Variants in ADAMTS20 observed in about 807,000 individuals in gnomAD.
ADAMTS20 encodes the protein ADAM metallopeptidase with thrombospondin type 1 motif 20.
A neutral mutation model predicts 260.1 loss-of-function variants in ADAMTS20; 225 were observed. The observed-to-expected ratio is 0.87, with a 90% CI of 0.78 to 0.97. The LOEUF (loss-of-function observed/expected upper bound fraction) is 0.97, where lower values mean the gene tolerates loss of function less well. ADAMTS20 is among the 50% of genes least tolerant of loss of function. The probability of loss-of-function intolerance (pLI) is 0.00; values close to 1 mark genes in which losing one functional copy is unlikely to be tolerated. For missense variants in ADAMTS20, 2,400 were observed against 2,337.7 expected (o/e 1.03, Z -0.55); for synonymous variants, 802 against 769.5 (o/e 1.04, Z -0.70).
intron 29 of ADAMTS20, among the ~76,000 whole-genome samples, chr12:43,391,047 T>A (rs1250125287): frequency 3.3e-5 from 5 of 152,218 alleles, no homozygotes; most frequent in Non-Finnish European, 7.4e-5. Context: ...CAGAAATTTA[T>A]TTCTCACAGT....
rs939217412 is a variant in ADAMTS20, at chr12:43,535,093, A to G, written c.454-2898T>C. ...CTACATACCCATCCCTACTCCTAAA[A>G]ACACATTACATCTGCTTGATTTCTT... On this transcript the variant is annotated intron_variant, in intron 2 of 38. Coordinates refer to ENST00000389420, the MANE Select transcript of ADAMTS20 (RefSeq NM_025003.5). 6.6e-5 allele frequency among the ~76,000 whole-genome samples: 10 copies of G among 152,036 alleles called. No individual in the cohort carries two copies. The South Asian group carries it at 2.1e-3, about 32-fold the overall frequency.
chr12:43,503,414 CAT>C (rs1942796135), intron 3 of ADAMTS20, among the ~76,000 whole-genome samples: 1 of 152,092 alleles, frequency 6.6e-6, no homozygotes, highest in Admixed American at 6.5e-5. Flanking sequence ...AATATAAAAA[CAT>C]ATTTCATTAT....
chr12:43,377,447 G>C lies in ADAMTS20; in HGVS notation c.4913C>G (p.Pro1638Arg), dbSNP rs1940253995. ...GTAAACCTGAGAGGAAGGCACCACA[G>C]GGCATTCTTGATAAACTATAGGCCG... ...RLRPIVYQEC[P>R]VVPSSQVYQC... Residue 1638 changes from proline (P) to arginine (R), a missense_variant, in exon 32 of 39, where the codon CCT becomes CGT. Coordinates refer to ENST00000389420, the MANE Select transcript of ADAMTS20 (RefSeq NM_025003.5). 1 of 1,613,590 alleles carries C rather than the reference G, an allele frequency of 6.2e-7. No homozygotes were observed. Among genetic ancestry groups the C allele is most frequent in the Non-Finnish European group, 8.5e-7 (1 of 1,179,704 alleles).
intron 7 of ADAMTS20, among the ~76,000 whole-genome samples, chr12:43,480,758 C>T (rs912325691): frequency 1.3e-4 from 20 of 152,132 alleles, no homozygotes; most frequent in African/African-American, 4.8e-4. Flanking sequence ...AAAAGTCGAA[C>T]TCTGATAAGT....
At chr12:43,463,035 AG>A (rs1238298312) in intron 10 of ADAMTS20, 36 bp from the exon 11 acceptor site, 2 of 1,413,106 alleles carry the variant, frequency 1.4e-6, no homozygotes, top group Non-Finnish European at 2.0e-6. Flanking sequence ...GCCAGTGTAA[AG>A]ATAACACCAC....
intron 28 of ADAMTS20, among the ~76,000 whole-genome samples, chr12:43,422,048 C>G (rs964685352): frequency 1.3e-5 from 2 of 151,906 alleles, no homozygotes; most frequent in African/African-American, 2.4e-5. Context: ...CCACAATACC[C>G]ACTAATAAAC....
At chr12:43,379,298 T>C (rs1428025658) in intron 31 of ADAMTS20, among the ~76,000 whole-genome samples, 1 of 152,122 alleles carries the variant, frequency 6.6e-6, no homozygotes, top group East Asian at 1.9e-4. Flanking sequence ...AACAACAGGC[T>C]AGCTAAAAAG....
At chr12:43,499,557 C>T (rs1384840682) in intron 4 of ADAMTS20, among the ~76,000 whole-genome samples, 1 of 149,108 alleles carries the variant, frequency 6.7e-6, no homozygotes, top group African/African-American at 2.5e-5. Flanking sequence ...GGCACGATCT[C>T]GGCTGGGAAC....
intron 21 of ADAMTS20, 139 bp from the exon 22 acceptor site, chr12:43,431,635 G>GAT: frequency 1.0e-6 from 1 of 966,720 alleles, no homozygotes; most frequent in African/African-American, 1.6e-5. Flanking sequence ...CTCCACCAGA[G>GAT]ATATTCACTG....
intron 7 of ADAMTS20, among the ~76,000 whole-genome samples, chr12:43,485,178 C>G (rs1484468119): frequency 6.6e-6 from 1 of 150,818 alleles, no homozygotes; most frequent in African/African-American, 2.4e-5. Context: ...GAAAAATCCT[C>G]AACAAAATAC....
Position 43,428,813 on chromosome 12 carries a change from C to T in ADAMTS20, c.3490-14G>A. The T allele has an allele frequency of 6.3e-7, 1 of 1,589,114 alleles. No homozygotes were observed. The highest frequency in any genetic ancestry group is 8.6e-7 in the Non-Finnish European group (1 of 1,165,378). On this transcript the variant is annotated splice_polypyrimidine_tract_variant and intron_variant, in intron 24 of 38. Coordinates refer to ENST00000389420, the MANE Select transcript of ADAMTS20 (RefSeq NM_025003.5). Reference sequence around the variant, plus strand: ...AGATACGGAGCACTTTTTAAGAAATCAAATTGTATCCGGGCATTATACAGT... The same window carrying T: ...AGATACGGAGCACTTTTTAAGAAATTAAATTGTATCCGGGCATTATACAGT...
chr12:43,471,217 G>C (rs903678524), intron 7 of ADAMTS20, among the ~76,000 whole-genome samples: 1 of 152,124 alleles, frequency 6.6e-6, no homozygotes, highest in African/African-American at 2.4e-5. Flanking sequence ...GTCAAAGAAA[G>C]GGGTGACGGA....
chr12:43,496,370 T>A (rs1349233813), intron 4 of ADAMTS20, among the ~76,000 whole-genome samples: 1 of 152,230 alleles, frequency 6.6e-6, no homozygotes, highest in Non-Finnish European at 1.5e-5. Flanking sequence ...ATTTTCATTC[T>A]GTACAGTCTG....
intron 11 of ADAMTS20, among the ~76,000 whole-genome samples, chr12:43,457,499 T>G (rs868550335): frequency 6.6e-6 from 1 of 152,194 alleles, no homozygotes; most frequent in African/African-American, 2.4e-5. Context: ...TGCTTACTTA[T>G]GACTATTTAC....
chr12:43,380,703 A>G (rs1331175841), intron 31 of ADAMTS20, among the ~76,000 whole-genome samples: 1 of 152,188 alleles, frequency 6.6e-6, no homozygotes, highest in Non-Finnish European at 1.5e-5. Flanking sequence ...AAGAAGTGCA[A>G]GATTTGCACA....
intron 2 of ADAMTS20, among the ~76,000 whole-genome samples, chr12:43,539,110 G>A (rs1848899): frequency 0.32 from 48,725 of 151,694 alleles, 8,162 homozygotes; most frequent in East Asian, 0.57. Context: ...CTGCCACCGC[G>A]CCCAGGTAAT....
intron 5 of ADAMTS20, among the ~76,000 whole-genome samples, chr12:43,492,915 A>G (rs926312997): frequency 2.0e-5 from 3 of 152,220 alleles, no homozygotes; most frequent in Admixed American, 6.5e-5. Flanking sequence ...GGATTATAAA[A>G]ATGAATACTA....
intron 38 of ADAMTS20, 21 bp from the exon 39 acceptor site, chr12:43,354,319 T>C (rs773913158): frequency 3.3e-6 from 5 of 1,533,164 alleles, no homozygotes; most frequent in African/African-American, 1.4e-5. Flanking sequence ...GAAGAAGAAA[T>C]ACAGAAGAAT....
chr12:43,531,204 C>CA (rs1943215609), intron 3 of ADAMTS20, among the ~76,000 whole-genome samples: 1 of 151,502 alleles, frequency 6.6e-6, no homozygotes, highest in African/African-American at 2.4e-5. Flanking sequence ...CAATACTAAG[C>CA]AAAAAAGATA....
Sources: gnomAD v4.1 joint callset for allele counts (sites outside exome capture counted in the v4.1 genomes callset) on GRCh38, gnomAD v4.1.1 for gene constraint, MANE v1.5 for transcripts, NCBI Gene and HGNC (gene_info 2026-07-23, HGNC 2026-07-21) for gene names.